The following RAD23B variants were observed in gnomAD, a reference collection of about 807,000 sequenced individuals.
RAD23B encodes lysine-specific demethylase RAD23B.
In RAD23B, 5 loss-of-function variants were observed where a neutral mutation model predicts 49.1. That is an observed-to-expected ratio of 0.10 (90% CI 0.05 to 0.21). The LOEUF is 0.21. Among genes scored for constraint, RAD23B ranks in the 10% least tolerant of loss-of-function variants. The pLI, the probability that RAD23B is intolerant of heterozygous loss-of-function variation, is 1.00. For missense variants in RAD23B, 356 were observed against 486.7 expected (o/e 0.73, Z 2.53); for synonymous variants, 184 against 165.4 (o/e 1.11, Z -0.86).
At position 107,306,626 on chromosome 9, in the gene RAD23B, C is replaced by G; in HGVS notation, c.476C>G (p.Thr159Ser). The G allele has an allele frequency of 6.2e-7, 1 of 1,614,068 alleles. No individual in the cohort carries two copies. Among genetic ancestry groups the G allele is most frequent in the South Asian group, 1.1e-5 (1 of 91,078 alleles). Residue 159 changes from threonine (T) to serine (S), a missense_variant, in exon 4 of 10, where the codon ACT becomes AGT. Transcript: ENST00000358015. Reference protein sequence around the residue: ...AEKPAETPVATSPTATDSTSG... With the variant: ...AEKPAETPVASSPTATDSTSG... ...AAGCCAGCAGAGACACCAGTGGCTACTAGCCCAACAGCAACTGACAGGTAG... is the reference window on the plus strand; with the variant it reads ...AAGCCAGCAGAGACACCAGTGGCTAGTAGCCCAACAGCAACTGACAGGTAG...
chr9:107,300,129 T>C lies in RAD23B; in HGVS notation c.67-12T>C. The C allele has an allele frequency of 6.3e-7, 1 of 1,589,956 alleles. No individual in the cohort carries two copies. The highest frequency in any genetic ancestry group is 8.5e-7 in the Non-Finnish European group (1 of 1,171,870). ...AGACTTTTTCCAAAACAAATCTTTA[T>C]TTTTCCTATAGGTGAAAGCACTGAA... On this transcript the variant is annotated splice_polypyrimidine_tract_variant and intron_variant, in intron 1 of 9. Coordinates refer to ENST00000358015, the MANE Select transcript of RAD23B (RefSeq NM_002874.5).
chr9:107,290,269 C>T lies in RAD23B; in HGVS notation c.66+6574C>T, dbSNP rs144096416. On this transcript the variant is annotated intron_variant, in intron 1 of 9. Transcript: ENST00000358015. ...CGGTGCTATCTAAGGCAGGTCCTTC[C>T]ACTTTTCCACTGTACCTCATCCCCT... Among the ~76,000 whole-genome samples the T allele has an allele frequency of 2.4e-3, 365 of 152,316 alleles. 7 individuals are homozygous for T. Among genetic ancestry groups the T allele is most frequent in the Admixed American group, 0.022 (338 of 15,298 alleles).
chr9:107,298,183 T>G (rs1826571965), intron 1 of RAD23B, among the ~76,000 whole-genome samples: 1 of 152,234 alleles, frequency 6.6e-6, no homozygotes, highest in Admixed American at 6.5e-5. Context: ...CTGCCATCAG[T>G]TGGTTGACTT....
chr9:107,304,686 C>CA (rs1208505461), intron 3 of RAD23B, among the ~76,000 whole-genome samples: 3 of 152,184 alleles, frequency 2.0e-5, no homozygotes, highest in Non-Finnish European at 2.9e-5. Context: ...ACTAAAACAG[C>CA]TACCTTTTGT....
In RAD23B at chr9:107,306,045, T is replaced by TATATA. The variant is rs1564245432; in HGVS notation, c.229-334_229-333insATATA. ...AGTTTTTTTGGGAAAATGATACGGTTTATATCTATATATATATATATATAT... is the reference window on the plus strand; with the variant it reads ...AGTTTTTTTGGGAAAATGATACGGTTATATATATATCTATATATATATATATATAT... On this transcript the variant is annotated intron_variant, in intron 3 of 9. Transcript: ENST00000358015. Among the ~76,000 whole-genome samples the TATATA allele has an allele frequency of 4.9e-3, 131 of 26,770 alleles. 3 individuals are homozygous for TATATA. The highest frequency in any genetic ancestry group is 7.1e-3 in the Non-Finnish European group (90 of 12,680). The allele number at this position is 26,770 out of a possible 152,430, so 17.6% of individuals were successfully genotyped here.
At position 107,283,299 on chromosome 9, in the gene RAD23B, A is replaced by G; in HGVS notation, c.-331A>G. On this transcript the variant is annotated 5_prime_UTR_variant, in exon 1 of 10. Transcript: ENST00000358015. ...TCGGCGAGTCACGATGATGGCGGCC[A>G]CCATCCTGTGGTGAGCTAGCGGATT... is the stretch of plus-strand genomic sequence containing the variant. 1 of 404,242 alleles carries G rather than the reference A, an allele frequency of 2.5e-6. No individual in the cohort carries two copies. The highest frequency in any genetic ancestry group is 4.4e-5 in the Admixed American group (1 of 22,736). 25.0% of individuals were successfully genotyped at this position (404,242 alleles called of 1,614,324 possible).
chr9:107,329,535 T>C lies in RAD23B; in HGVS notation c.1117-8T>C. 1 of 1,555,904 alleles carries C rather than the reference T, an allele frequency of 6.4e-7. No individual in the cohort carries two copies. The highest frequency in any genetic ancestry group is 8.8e-7 in the Non-Finnish European group (1 of 1,136,678). On this transcript the variant is annotated splice_region_variant and splice_polypyrimidine_tract_variant and intron_variant, in intron 9 of 9. Coordinates refer to ENST00000358015, the MANE Select transcript of RAD23B (RefSeq NM_002874.5). Reference sequence around the variant, plus strand: ...GTTGGATTTATATTTTTTTCCTTTTTCTTCCAGTTAAAGGCATTAGGATTT... The same window carrying C: ...GTTGGATTTATATTTTTTTCCTTTTCCTTCCAGTTAAAGGCATTAGGATTT...
chr9:107,319,332 A>G (rs912870007), intron 6 of RAD23B, among the ~76,000 whole-genome samples: 4 of 151,722 alleles, frequency 2.6e-5, no homozygotes, highest in South Asian at 2.1e-4. Context: ...GGATTTCACC[A>G]TGTTAGCCAG....
At chr9:107,312,517 C>T (rs995046434) in intron 5 of RAD23B, among the ~76,000 whole-genome samples, 5 of 152,132 alleles carry the variant, frequency 3.3e-5, no homozygotes, top group East Asian at 3.9e-4. Context: ...ACTGGAACTC[C>T]GTGATGCCCT....
At chr9:107,317,105 T>C (rs759317826) in intron 5 of RAD23B, among the ~76,000 whole-genome samples, 8,984 of 151,822 alleles carry the variant, frequency 0.059, 382 homozygotes, top group South Asian at 0.12. Flanking sequence ...CGTGTGTGTG[T>C]GTGTGTGTGT....
In RAD23B at chr9:107,283,300, CCAT is replaced by C; in HGVS notation, c.-328_-326del. On this transcript the variant is annotated 5_prime_UTR_variant, in exon 1 of 10. Transcript: ENST00000358015. ...CGGCGAGTCACGATGATGGCGGCCA[CCAT>C]CCTGTGGTGAGCTAGCGGATTCCCT... The C allele has an allele frequency of 2.5e-6, 1 of 404,436 alleles. No homozygotes were observed. The highest frequency in any genetic ancestry group is 4.3e-6 in the Non-Finnish European group (1 of 230,346). The allele number at this position is 404,436 out of a possible 1,614,324, so 25.1% of individuals were successfully genotyped here.
intron 1 of RAD23B, among the ~76,000 whole-genome samples, chr9:107,298,901 T>G (rs1826592249): frequency 6.6e-6 from 1 of 151,996 alleles, no homozygotes; most frequent in Non-Finnish European, 1.5e-5. Context: ...AATAGTGGAT[T>G]GAGATTTTTG....
At position 107,307,776 on chromosome 9, in the gene RAD23B, TCTAAATAA is replaced by T. The variant is rs1356726399; in HGVS notation, c.497+1130_497+1137del. Among the ~76,000 whole-genome samples, 5 of 152,346 alleles carry T rather than the reference TCTAAATAA, an allele frequency of 3.3e-5. No individual in the cohort carries two copies. The South Asian group carries it at 1.0e-3, about 32-fold the overall frequency. On this transcript the variant is annotated intron_variant, in intron 4 of 9. Transcript: ENST00000358015. ...TTCATTGCTTACTTGGGGGTCTCTT[TCTAAATAA>T]TTGATTCCCTAAGAAGACAACATGG...
intron 1 of RAD23B, among the ~76,000 whole-genome samples, chr9:107,297,925 T>C (rs541553194): frequency 6.6e-6 from 1 of 152,336 alleles, no homozygotes; most frequent in South Asian, 2.1e-4. Flanking sequence ...ATGTGTCTTT[T>C]TTTCTTCACA....
intron 1 of RAD23B, chr9:107,283,904 T>C (rs1248009373): frequency 1.1e-6 from 1 of 948,108 alleles, no homozygotes; most frequent in African/African-American, 1.8e-5. Flanking sequence ...GGGGAAGCAG[T>C]GGCCGGACGC....
rs1827288971 is a variant in RAD23B at position 107,330,597 on chromosome 9, TAAA to T, written c.*945_*947del. The T allele has an allele frequency of 6.6e-6, 1 of 152,636 alleles. No individual in the cohort carries two copies. Among genetic ancestry groups the T allele is most frequent in the South Asian group, 2.1e-4 (1 of 4,832 alleles). 9.5% of individuals were successfully genotyped at this position (152,636 alleles called of 1,614,324 possible). ...AGTCGTGAGTCAAACTGCTGCCTTT[TAAA>T]AAACCCACAAAATGCTGATTCAGTT... On this transcript the variant is annotated 3_prime_UTR_variant, in exon 10 of 10. Coordinates refer to ENST00000358015, the MANE Select transcript of RAD23B (RefSeq NM_002874.5). This position sits in a 1 kb window ranked among gnomAD's most constrained non-coding sequence, Gnocchi z 4.4.
At chr9:107,302,883 C>T (rs1278495174) in intron 3 of RAD23B, among the ~76,000 whole-genome samples, 2 of 151,998 alleles carry the variant, frequency 1.3e-5, no homozygotes, top group Non-Finnish European at 2.9e-5. Flanking sequence ...GTCTCGATTT[C>T]CTGACCTCGT....
At position 107,326,627 on chromosome 9, in the gene RAD23B, C is replaced by CTTTTTTTTTTTTTT. The variant is rs796381629; in HGVS notation, c.1116+1634_1116+1647dup. Among the ~76,000 whole-genome samples, 22 of 67,510 alleles carry CTTTTTTTTTTTTTT rather than the reference C, an allele frequency of 3.3e-4. 1 individual carries two copies. Among genetic ancestry groups the CTTTTTTTTTTTTTT allele is most frequent in the East Asian group, 6.3e-4 (1 of 1,598 alleles). 44.3% of individuals were successfully genotyped at this position (67,510 alleles called of 152,430 possible). A position where few individuals can be genotyped will look rare whatever the true frequency, so the allele number is the denominator to read the frequency against. ...ACTTGTCTATTCAACTTTTGTATTT[C>CTTTTTTTTTTTTTT]TTTTTTTTTTTTTTTTTTTTTTTTG... On this transcript the variant is annotated intron_variant, in intron 9 of 9. Coordinates refer to ENST00000358015, the MANE Select transcript of RAD23B (RefSeq NM_002874.5).
chr9:107,311,775 A>G (rs780696763), intron 5 of RAD23B, 38 bp downstream of exon 5: 1 of 1,446,220 alleles, frequency 6.9e-7, no homozygotes, highest in Admixed American at 2.5e-5. Flanking sequence ...ACCTATAAAG[A>G]GATAGGAAAG....
Sources: allele counts gnomAD v4.1 joint callset (sites outside exome capture counted in the v4.1 genomes callset), GRCh38; gene constraint gnomAD v4.1.1; non-coding constraint Gnocchi (gnomAD v3.1); transcripts MANE v1.5; gene names NCBI Gene and HGNC (gene_info 2026-07-23, HGNC 2026-07-21).